The following NCAM2 variants were observed in gnomAD, a reference collection of about 807,000 sequenced individuals.
NCAM2 encodes neural cell adhesion molecule 2, also known as N-CAM-2.
In NCAM2, 30 loss-of-function variants were observed where a neutral mutation model predicts 98.1. The observed-to-expected ratio is 0.31, with a 90% CI of 0.23 to 0.41. NCAM2 has a LOEUF of 0.41. Ranked by LOEUF, NCAM2 falls within the 10% of genes least tolerant of loss-of-function variation. NCAM2 has a pLI of 1.00. For synonymous variants in NCAM2, 368 were observed against 342.4 expected, an observed-to-expected ratio of 1.07 and a Z score of -0.83; for missense variants, 867 against 1,005.8, an observed-to-expected ratio of 0.86 and a Z score of 1.87.
chr21:21,311,334 CAT>C (rs1491403590), intron 5 of NCAM2, among the ~76,000 whole-genome samples: 13 of 115,888 alleles, frequency 1.1e-4, no homozygotes, highest in South Asian at 3.1e-4. Context: ...AAATATGGGG[CAT>C]TTTTTTTTTT....
intron 8 of NCAM2, among the ~76,000 whole-genome samples, chr21:21,370,195 G>T (rs2075884233): frequency 6.6e-6 from 1 of 151,652 alleles, no homozygotes; most frequent in Non-Finnish European, 1.5e-5. Context: ...ACCAAATTAG[G>T]TTTCCTTTCT....
At chr21:21,217,311 A>G (rs531676038) in intron 1 of NCAM2, among the ~76,000 whole-genome samples, 2 of 152,304 alleles carry the variant, frequency 1.3e-5, no homozygotes, top group Admixed American at 1.3e-4. Flanking sequence ...CAAACCCCAG[A>G]GCACGAAGTC....
At chr21:21,107,642 T>C (rs1403052695) in intron 1 of NCAM2, among the ~76,000 whole-genome samples, 1 of 152,128 alleles carries the variant, frequency 6.6e-6, no homozygotes, top group Non-Finnish European at 1.5e-5. Flanking sequence ...TTACTGCACG[T>C]TAGCATTAAG....
At chr21:21,419,304 A>G (rs202210974) in intron 11 of NCAM2, among the ~76,000 whole-genome samples, 1,767 of 95,708 alleles carry the variant, frequency 0.018, 27 homozygotes, top group Admixed American at 0.047. Context: ...GAAATAGGGA[A>G]CTTTTTTTTT....
At chr21:21,257,736 C>T (rs1204866404) in intron 1 of NCAM2, among the ~76,000 whole-genome samples, 2 of 152,142 alleles carry the variant, frequency 1.3e-5, no homozygotes, top group South Asian at 2.1e-4. Flanking sequence ...GGACCCGCCA[C>T]TATGCCTGGC....
In NCAM2 at chr21:21,420,253, G is replaced by A. The variant is rs190157377; in HGVS notation, c.1480+1684G>A. Among the ~76,000 whole-genome samples, 5 of 151,930 alleles carry A rather than the reference G, an allele frequency of 3.3e-5. No homozygotes were observed. In the East Asian group the frequency reaches 7.7e-4, roughly 24 times the overall value. ...TTTGTATGTATATGTTAATATTCTA[G>A]TTTTACCTCTAAAACTTAAAGATAT... On this transcript the variant is annotated intron_variant, in intron 11 of 17. Transcript: ENST00000400546.
chr21:21,183,555 C>T (rs530363744), intron 1 of NCAM2, among the ~76,000 whole-genome samples: 4 of 152,180 alleles, frequency 2.6e-5, no homozygotes, highest in South Asian at 2.1e-4. Flanking sequence ...TTTTCACTGT[C>T]GTATTCCCCC....
At chr21:21,204,048 T>A (rs896180415) in intron 1 of NCAM2, among the ~76,000 whole-genome samples, 1 of 152,164 alleles carries the variant, frequency 6.6e-6, no homozygotes, top group Middle Eastern at 3.2e-3. Context: ...ATTCAACAAG[T>A]GTCTATTGAG....
At chr21:21,415,705 A>G (rs767941558) in intron 10 of NCAM2, among the ~76,000 whole-genome samples, 67 of 152,054 alleles carry the variant, frequency 4.4e-4, no homozygotes, top group Non-Finnish European at 8.1e-4. Flanking sequence ...TTGTATTTTT[A>G]TGTTATAAAG....
intron 10 of NCAM2, among the ~76,000 whole-genome samples, chr21:21,415,601 G>C (rs1051811864): frequency 1.3e-5 from 2 of 151,878 alleles, no homozygotes; most frequent in Non-Finnish European, 2.9e-5. Context: ...TCCCAAAGTG[G>C]TGGGATTACA....
chr21:21,407,355 T>G (rs1156326568), intron 9 of NCAM2, among the ~76,000 whole-genome samples: 1 of 152,250 alleles, frequency 6.6e-6, no homozygotes, highest in African/African-American at 2.4e-5. Context: ...AATGTGGCTT[T>G]CAGTATAGCA....
intron 1 of NCAM2, among the ~76,000 whole-genome samples, chr21:21,272,046 A>T (rs1242791481): frequency 6.6e-6 from 1 of 152,198 alleles, no homozygotes; most frequent in Non-Finnish European, 1.5e-5. Flanking sequence ...AGTATAATTT[A>T]AAAAACAAAG....
intron 12 of NCAM2, among the ~76,000 whole-genome samples, chr21:21,452,972 T>C (rs1602387003): frequency 6.2e-5 from 1 of 16,076 alleles, no homozygotes; most frequent in South Asian, 7.3e-4. Context: ...TATTATATAT[T>C]ATTATATATT....
chr21:21,416,876 A>G (rs1480423076), intron 10 of NCAM2, among the ~76,000 whole-genome samples: 2 of 152,002 alleles, frequency 1.3e-5, no homozygotes, highest in African/African-American at 4.8e-5. Context: ...GCCAGATTAT[A>G]TCTAGAGCAT....
At chr21:21,271,890 G>T (rs1163363353) in intron 1 of NCAM2, among the ~76,000 whole-genome samples, 1 of 152,148 alleles carries the variant, frequency 6.6e-6, no homozygotes, top group African/African-American at 2.4e-5. Context: ...ACCGGGGCCT[G>T]TCATGGGGTG....
intron 1 of NCAM2, among the ~76,000 whole-genome samples, chr21:21,256,626 C>G (rs1324762098): frequency 2.0e-5 from 3 of 152,016 alleles, no homozygotes; most frequent in Non-Finnish European, 4.4e-5. Context: ...AATCATATGC[C>G]TTTTTTAAGG....
In NCAM2 at chr21:21,508,944, T is replaced by G. The variant is rs1988180409; in HGVS notation, c.2171T>G (p.Phe724Cys). The G allele has an allele frequency of 6.2e-7, 1 of 1,613,332 alleles. No individual in the cohort carries two copies. Among genetic ancestry groups the G allele is most frequent in the Non-Finnish European group, 8.5e-7 (1 of 1,179,734 alleles). Residue 724 changes from phenylalanine (F) to cysteine (C), a missense_variant, in exon 16 of 18, where the codon TTC becomes TGC. Phe to Cys is a radical substitution (Grantham distance 205, BLOSUM62 -2). Around this residue, in one of 5 missense-constraint regions of NCAM2, gnomAD observed 234 missense variants for 333.8 expected, o/e 0.70. Coordinates refer to ENST00000400546, the MANE Select transcript of NCAM2 (RefSeq NM_004540.5). Reference protein sequence around the residue: ...LILVVTDVSCFFIRQCGLLMC... With the variant: ...LILVVTDVSCCFIRQCGLLMC... ...CTTGTGGTAACAGACGTCAGCTGCT[T>G]CTTTATTCGGCAATGTGGGTTGCTG... is the stretch of plus-strand genomic sequence containing the variant.
At chr21:21,136,640 T>A (rs538708798) in intron 1 of NCAM2, among the ~76,000 whole-genome samples, 1 of 147,888 alleles carries the variant, frequency 6.8e-6, no homozygotes, top group Non-Finnish European at 1.5e-5. Flanking sequence ...GTTTTTTTTT[T>A]TATTTTTAGT....
intron 9 of NCAM2, among the ~76,000 whole-genome samples, chr21:21,384,309 T>C (rs1216211407): frequency 6.6e-6 from 1 of 151,894 alleles, no homozygotes; most frequent in Non-Finnish European, 1.5e-5. Context: ...GAAAGTTTTT[T>C]TTCTTATGGA....
Sources: gnomAD v4.1 joint callset for allele counts (sites outside exome capture counted in the v4.1 genomes callset) on GRCh38, gnomAD v4.1.1 for gene constraint, gnomAD v4.1.1 regional missense constraint, MANE v1.5 for transcripts, NCBI Gene and HGNC (gene_info 2026-07-23, HGNC 2026-07-21) for gene names.